The following TOM1L1 variants were observed in gnomAD, a reference collection of about 807,000 sequenced individuals.
TOM1L1 encodes the protein target of myb1 like 1 membrane trafficking protein.
Under a neutral mutation model 63.4 loss-of-function variants are expected in TOM1L1, and 64 were observed. That is an observed-to-expected ratio of 1.01 (90% CI 0.83 to 1.24). The LOEUF is 1.24. TOM1L1 is among the 50% of genes most tolerant of loss of function. The pLI is 0.00. For synonymous variants in TOM1L1, 166 were observed against 194.4 expected (o/e 0.85, Z 1.22); for missense variants, 536 against 567.0 (o/e 0.95, Z 0.55).
intron 7 of TOM1L1, among the ~76,000 whole-genome samples, chr17:54,917,691 G>A (rs1226411680): frequency 6.6e-6 from 1 of 152,060 alleles, no homozygotes; most frequent in Non-Finnish European, 1.5e-5. Flanking sequence ...TGCTGATAGT[G>A]AGCTCATTTT....
In TOM1L1 at chr17:54,914,690, C is replaced by G. The variant is rs779745600; in HGVS notation, c.550C>G (p.Leu184Val). The change falls in exon 6 of 16, where the codon CTT becomes GTT. Residue 184 changes from leucine (L) to valine (V), a missense_variant. By Grantham distance (32) the Leu-to-Val change is conservative. Transcript: ENST00000575882. ...PPTSVPTAPA[L>V]SSVIAPKNST... ...AACATCTGTCCCTACTGCACCAGCT[C>G]TTTCTTCTGTAATTGCTCCAAAGAA... 6.2e-7 allele frequency: 1 copy of G among 1,614,010 alleles called. No homozygotes were observed.
chr17:54,925,668 C>T (rs891353103), intron 7 of TOM1L1, among the ~76,000 whole-genome samples: 2 of 152,130 alleles, frequency 1.3e-5, no homozygotes, highest in Non-Finnish European at 2.9e-5. Context: ...CTTTGGGAGG[C>T]CAAGGTGGGC....
At position 54,920,367 on chromosome 17, in the gene TOM1L1, AT is replaced by A. The variant is rs533604214; in HGVS notation, c.720+4514del. Among the ~76,000 whole-genome samples the A allele has an allele frequency of 3.3e-4, 50 of 151,746 alleles. 1 individual carries two copies. In the East Asian group the frequency reaches 7.0e-3, roughly 21 times the overall value. ...CTCCCCAAACCAACCAATATTCACAATTTTTTTTTAGCTTGCCAAAATTTAC... is the reference window on the plus strand; with the variant it reads ...CTCCCCAAACCAACCAATATTCACAATTTTTTTTAGCTTGCCAAAATTTAC... On this transcript the variant is annotated intron_variant, in intron 7 of 15. Transcript: ENST00000575882.
chr17:54,917,034 A>AT (rs1183897900), intron 7 of TOM1L1: 3 of 151,902 alleles, frequency 2.0e-5, no homozygotes, highest in East Asian at 1.9e-4. Context: ...GATTAATAAT[A>AT]TTTTTTTCTA....
chr17:54,902,322 C>T (rs1372954446), intron 1 of TOM1L1, among the ~76,000 whole-genome samples: 5 of 152,052 alleles, frequency 3.3e-5, no homozygotes, highest in Non-Finnish European at 5.9e-5. Flanking sequence ...TGTTTTGAGA[C>T]GGGGAGTGAC....
intron 8 of TOM1L1, 165 bp downstream of exon 8, chr17:54,930,371 GCTCCTACT>G: frequency 1.2e-6 from 1 of 824,100 alleles, no homozygotes; most frequent in Admixed American, 2.8e-5. Flanking sequence ...CCCTTGTACA[GCTCCTACT>G]CAGTAAATGC....
At chr17:54,949,655 A>T in intron 13 of TOM1L1, 32 bp downstream of exon 13, 1 of 1,532,254 alleles carries the variant, frequency 6.5e-7, no homozygotes, top group Non-Finnish European at 9.0e-7. Context: ...GCATCAAATA[A>T]GGAAACTTAT....
At position 54,937,148 on chromosome 17, in the gene TOM1L1, G is replaced by A. The variant is rs142215434; in HGVS notation, c.955G>A (p.Asp319Asn). 23 of 1,611,046 alleles carry A rather than the reference G, an allele frequency of 1.4e-5. No individual in the cohort carries two copies. The highest frequency in any genetic ancestry group is 3.3e-5 in the South Asian group (3 of 90,970). Residue 319 changes from aspartate (D) to asparagine (N), a missense_variant, in exon 10 of 16, where the codon GAC becomes AAC. Physicochemically the swap from Asp to Asn is conservative, Grantham distance 23. Transcript: ENST00000575882. ...EPSAPSQDLLDLSPSPRMPRA... is the reference protein window; with the variant it reads ...EPSAPSQDLLNLSPSPRMPRA... ...TTCTGCCCCATCTCAAGATCTCCTC[G>A]ACCTAAGTCCCAGTCCCCGGATGCC...
intron 14 of TOM1L1, 79 bp downstream of exon 14, chr17:54,950,205 C>T: frequency 9.0e-7 from 1 of 1,110,922 alleles, no homozygotes; most frequent in Non-Finnish European, 1.3e-6. Flanking sequence ...CTTGGTTATA[C>T]ATTTAACTTT....
At chr17:54,955,025 A>C (rs1399555356) in intron 14 of TOM1L1, 1 of 152,166 alleles carries the variant, frequency 6.6e-6, no homozygotes, top group Non-Finnish European at 1.5e-5. Flanking sequence ...TTGCCAGAGG[A>C]GGCACCCTAA....
chr17:54,901,381 T>G (rs1230149658), intron 1 of TOM1L1: 3 of 160,980 alleles, frequency 1.9e-5, no homozygotes, highest in Admixed American at 1.2e-4. Flanking sequence ...CCAAACCAGT[T>G]TTCTCTAGTG....
chr17:54,950,712 G>A (rs752140898), intron 14 of TOM1L1, among the ~76,000 whole-genome samples: 141 of 152,264 alleles, frequency 9.3e-4, no homozygotes, highest in Admixed American at 9.2e-4. Flanking sequence ...ATTAAAGCAC[G>A]TTTATTGGAA....
intron 3 of TOM1L1, among the ~76,000 whole-genome samples, chr17:54,910,432 G>C (rs2048479789): frequency 6.6e-6 from 1 of 152,162 alleles, no homozygotes. Context: ...CTCCAGCCTA[G>C]GTGACAGAGT....
intron 11 of TOM1L1, among the ~76,000 whole-genome samples, chr17:54,946,824 T>A (rs1340509141): frequency 6.6e-6 from 1 of 152,216 alleles, no homozygotes; most frequent in African/African-American, 2.4e-5. Context: ...CTGCTCCTAT[T>A]ATTCAGAGTC....
At chr17:54,945,380 A>G (rs1260127368) in intron 11 of TOM1L1, among the ~76,000 whole-genome samples, 1 of 152,194 alleles carries the variant, frequency 6.6e-6, no homozygotes, top group African/African-American at 2.4e-5. Flanking sequence ...TTAACCCACT[A>G]ATGGAACTTC....
Position 54,933,850 on chromosome 17 carries a change from G to A in TOM1L1, c.855-2799G>A, listed in dbSNP as rs2048904542. Among the ~76,000 whole-genome samples the A allele has an allele frequency of 2.6e-5, 4 of 152,134 alleles. No individual in the cohort carries two copies. In the South Asian group the frequency reaches 8.3e-4, roughly 31 times the overall value. On this transcript the variant is annotated intron_variant, in intron 8 of 15. Transcript: ENST00000575882. ...ACAGCTCGGTTTTATACATTTTCGG[G>A]AGATATGAGACATCAATCAATATGT...
Position 54,948,034 on chromosome 17 carries a change from T to C in TOM1L1, c.1182+722T>C, listed in dbSNP as rs557237965. ...AATGGCCACTCTGCTCTTTGCTGCA[T>C]AGGTCAAAAACCTTGGGTAATAGCG... is the stretch of plus-strand genomic sequence containing the variant. On this transcript the variant is annotated intron_variant, in intron 12 of 15. Coordinates refer to ENST00000575882, the MANE Select transcript of TOM1L1 (RefSeq NM_005486.3). Among the ~76,000 whole-genome samples the C allele has an allele frequency of 2.6e-5, 4 of 152,330 alleles. No homozygotes were observed. The South Asian group carries it at 8.3e-4, about 32-fold the overall frequency.
At chr17:54,929,382 A>T (rs944090453) in intron 7 of TOM1L1, among the ~76,000 whole-genome samples, 8 of 152,064 alleles carry the variant, frequency 5.3e-5, no homozygotes, top group East Asian at 1.9e-4. Flanking sequence ...GAGAAAAAAA[A>T]AAAAATGGGT....
rs544690099 is a variant in TOM1L1, at chr17:54,925,166, A to G, written c.721-4907A>G. 2.7e-3 allele frequency among the ~76,000 whole-genome samples: 406 copies of G among 152,382 alleles called. 1 individual carries two copies. Among genetic ancestry groups the G allele is most frequent in the Non-Finnish European group, 4.6e-3 (314 of 68,032 alleles). The stretch of plus-strand genomic sequence containing the variant: ...TATTTAGTAAGATGTTATAAAGTTC[A>G]GGGAAACTACAAGGGCTTGATCGCT... On this transcript the variant is annotated intron_variant, in intron 7 of 15. Coordinates refer to ENST00000575882, the MANE Select transcript of TOM1L1 (RefSeq NM_005486.3).
Sources: gnomAD v4.1 joint callset for allele counts (sites outside exome capture counted in the v4.1 genomes callset) on GRCh38, gnomAD v4.1.1 for gene constraint, MANE v1.5 for transcripts, NCBI Gene and HGNC (gene_info 2026-07-23, HGNC 2026-07-21) for gene names.